FCHO2: variants seen among roughly 807,000 people sequenced by gnomAD.
The protein encoded by FCHO2 is FCH and mu domain containing endocytic adaptor 2.
A neutral mutation model predicts 114.1 loss-of-function variants in FCHO2; 43 were observed. The observed-to-expected ratio is 0.38, with a 90% CI of 0.30 to 0.49. The LOEUF is 0.49. Among genes scored for constraint, FCHO2 ranks in the 20% least tolerant of loss-of-function variants. The probability of loss-of-function intolerance (pLI) is 0.97; values close to 1 mark genes in which losing one functional copy is unlikely to be tolerated. For synonymous variants in FCHO2, 293 were observed against 315.2 expected (o/e 0.93, Z 0.75); for missense variants, 807 against 950.4 (o/e 0.85, Z 1.98).
intron 6 of FCHO2, among the ~76,000 whole-genome samples, chr5:73,011,388 C>T (rs1054419001): frequency 4.6e-5 from 7 of 152,182 alleles, no homozygotes; most frequent in African/African-American, 1.7e-4. Flanking sequence ...AGTAGAAACA[C>T]ATTGTACAGT....
chr5:73,086,116 T>A (rs1380694394), intron 24 of FCHO2, among the ~76,000 whole-genome samples: 1 of 151,000 alleles, frequency 6.6e-6, no homozygotes, highest in Admixed American at 6.6e-5. Flanking sequence ...AGTGAGAGAC[T>A]CTGTCTCAAA....
At chr5:73,004,669 A>G (rs1754620337) in intron 5 of FCHO2, among the ~76,000 whole-genome samples, 1 of 152,136 alleles carries the variant, frequency 6.6e-6, no homozygotes, top group African/African-American at 2.4e-5. Flanking sequence ...CTTTTTAGTA[A>G]TGAGAGAACT....
intron 8 of FCHO2, among the ~76,000 whole-genome samples, chr5:73,033,792 C>A (rs985019169): frequency 6.6e-6 from 1 of 152,128 alleles, no homozygotes; most frequent in African/African-American, 2.4e-5. Flanking sequence ...GCTACTTTCT[C>A]ACACTGCCAA....
intron 2 of FCHO2, among the ~76,000 whole-genome samples, chr5:72,988,886 A>G (rs1753678999): frequency 6.6e-6 from 1 of 152,224 alleles, no homozygotes; most frequent in Non-Finnish European, 1.5e-5. Flanking sequence ...CATTGGTACT[A>G]AAGATAAAAA....
chr5:72,981,244 T>C (rs1022980539), intron 2 of FCHO2, among the ~76,000 whole-genome samples: 2 of 152,248 alleles, frequency 1.3e-5, no homozygotes, highest in African/African-American at 4.8e-5. Context: ...TTGAAAAGTC[T>C]TCTCTTTAAG....
At chr5:72,992,336 T>G (rs927960144) in intron 5 of FCHO2, among the ~76,000 whole-genome samples, 9 of 152,144 alleles carry the variant, frequency 5.9e-5, no homozygotes, top group African/African-American at 2.2e-4. Flanking sequence ...GAAAACACCC[T>G]CTGCTTCAGA....
chr5:72,990,200 AAATC>A (rs775713675), intron 3 of FCHO2, among the ~76,000 whole-genome samples: 4 of 152,064 alleles, frequency 2.6e-5, no homozygotes, highest in Non-Finnish European at 4.4e-5. Flanking sequence ...TATAAATACT[AAATC>A]AATTCAGAAA....
intron 2 of FCHO2, among the ~76,000 whole-genome samples, chr5:72,983,417 CTG>C (rs1293425856): frequency 6.6e-6 from 1 of 151,644 alleles, no homozygotes; most frequent in African/African-American, 2.4e-5. Flanking sequence ...GTGTCTTGTT[CTG>C]TCACTCAGGC....
chr5:72,983,932 G>A (rs1393112558), intron 2 of FCHO2, among the ~76,000 whole-genome samples: 28 of 151,898 alleles, frequency 1.8e-4, no homozygotes, highest in Admixed American at 1.4e-3. Context: ...TAAGGTATAC[G>A]TGTGTTCAAC....
intron 1 of FCHO2, 97 bp from the exon 2 acceptor site, chr5:72,968,401 G>T: frequency 2.6e-6 from 2 of 768,850 alleles, no homozygotes; most frequent in Non-Finnish European, 4.0e-6. Flanking sequence ...CACCTCACCT[G>T]AGCACAGGAT....
chr5:73,040,433 G>A (rs1756750371), intron 10 of FCHO2, among the ~76,000 whole-genome samples: 1 of 152,184 alleles, frequency 6.6e-6, no homozygotes, highest in Admixed American at 6.5e-5. Context: ...TCACAAGTCA[G>A]AGGTCCAAAA....
chr5:73,030,773 C>T (rs979771383), intron 8 of FCHO2, among the ~76,000 whole-genome samples: 1 of 152,158 alleles, frequency 6.6e-6, no homozygotes, highest in African/African-American at 2.4e-5. Flanking sequence ...AGGTGATTCT[C>T]ATACATAATA....
rs113546771 is a variant in FCHO2, at chr5:73,071,345, T to C, written c.1579+2566T>C. On this transcript the variant is annotated intron_variant, in intron 19 of 25. Coordinates refer to ENST00000430046, the MANE Select transcript of FCHO2 (RefSeq NM_138782.3). Reference sequence around the variant, plus strand: ...AAAAAAAAAACCTCTAATACCTAAATTAGTAGGGCAAAGGCTGTCATATAC... The same window carrying C: ...AAAAAAAAAACCTCTAATACCTAAACTAGTAGGGCAAAGGCTGTCATATAC... Among the ~76,000 whole-genome samples the C allele has an allele frequency of 4.5e-3, 680 of 151,912 alleles. 3 individuals carry two copies. Among genetic ancestry groups the C allele is most frequent in the African/African-American group, 0.016 (647 of 41,474 alleles).
intron 8 of FCHO2, among the ~76,000 whole-genome samples, chr5:73,030,990 A>G (rs1415239181): frequency 6.6e-6 from 1 of 152,208 alleles, no homozygotes; most frequent in Admixed American, 6.5e-5. Context: ...ATTTGTTATC[A>G]TTTACCTTTT....
rs539248928 is a variant in FCHO2 at position 73,008,787 on chromosome 5, T to C, written c.600+2238T>C. 3.3e-5 allele frequency among the ~76,000 whole-genome samples: 5 copies of C among 152,318 alleles called. No individual in the cohort carries two copies. The South Asian group carries it at 6.2e-4, about 19-fold the overall frequency. On this transcript the variant is annotated intron_variant, in intron 6 of 25. Transcript: ENST00000430046. Reference sequence around the variant, plus strand: ...CTACGTATATTTTCCTTTAGAAATATTAATGTGTTTGATAAACAGATGCCA... The same window carrying C: ...CTACGTATATTTTCCTTTAGAAATACTAATGTGTTTGATAAACAGATGCCA...
At chr5:73,079,120 G>A (rs1743012000) in intron 22 of FCHO2, among the ~76,000 whole-genome samples, 1 of 152,154 alleles carries the variant, frequency 6.6e-6, no homozygotes. Context: ...ATTTTAAAGA[G>A]ATGGAGTCCC....
At chr5:73,041,248 A>T in intron 10 of FCHO2, 43 bp from the exon 11 acceptor site, 1 of 1,304,194 alleles carries the variant, frequency 7.7e-7, no homozygotes, top group Non-Finnish European at 1.1e-6. Flanking sequence ...TAATTAGCAG[A>T]CAATTCTAAT....
At chr5:72,962,361 G>T (rs1390660112) in intron 1 of FCHO2, among the ~76,000 whole-genome samples, 2 of 152,182 alleles carry the variant, frequency 1.3e-5, no homozygotes, top group Non-Finnish European at 2.9e-5. Context: ...TTTAAGCAAA[G>T]GATGAGGGAA....
chr5:73,087,989 G>C lies in FCHO2; in HGVS notation c.2411-79G>C. On this transcript the variant is annotated intron_variant, in intron 25 of 25. Transcript: ENST00000430046. Reference sequence around the variant, plus strand: ...AATAGCAGATGGGAACTAGAGTTTTGTATTGGTAACCACAGTGGAAAATGT... The same window carrying C: ...AATAGCAGATGGGAACTAGAGTTTTCTATTGGTAACCACAGTGGAAAATGT... 1.9e-6 allele frequency: 3 copies of C among 1,578,212 alleles called. No individual in the cohort carries two copies. In the South Asian group the frequency reaches 3.4e-5, roughly 18 times the overall value.
Sources: gnomAD v4.1 joint callset for allele counts (sites outside exome capture counted in the v4.1 genomes callset) on GRCh38, gnomAD v4.1.1 for gene constraint, MANE v1.5 for transcripts, NCBI Gene and HGNC (gene_info 2026-07-23, HGNC 2026-07-21) for gene names.